The following TGOLN2 variants were observed in gnomAD, a reference collection of about 807,000 sequenced individuals.
The protein encoded by TGOLN2 is trans-Golgi network integral membrane protein 2.
A neutral mutation model predicts 31.3 loss-of-function variants in TGOLN2; 19 were observed. The observed-to-expected ratio is 0.61, with a 90% CI of 0.42 to 0.89. TGOLN2 has a LOEUF of 0.89. Ranked by LOEUF, TGOLN2 falls within the 40% of genes least tolerant of loss-of-function variation. The pLI is 0.00. For synonymous variants in TGOLN2, 222 were observed against 226.7 expected, an observed-to-expected ratio of 0.98 and a Z score of 0.19; for missense variants, 540 against 559.2, an observed-to-expected ratio of 0.97 and a Z score of 0.35.
chr2:85,327,885 G>T, intron 1 of TGOLN2, 32 bp downstream of exon 1: 1 of 1,592,764 alleles, frequency 6.3e-7, no homozygotes, highest in South Asian at 1.1e-5. Flanking sequence ...GGATCTGGGG[G>T]CAAGAGTGGG....
At chr2:85,326,430 G>T in intron 2 of TGOLN2, 78 bp downstream of exon 2, 2 of 1,439,444 alleles carry the variant, frequency 1.4e-6, no homozygotes, top group Non-Finnish European at 1.9e-6. Flanking sequence ...GGCATCTAGT[G>T]ACGGGATACC....
chr2:85,324,537 C>T lies in TGOLN2; in HGVS notation c.1308+378G>A, dbSNP rs544539871. On this transcript the variant is annotated intron_variant, in intron 3 of 3. Coordinates refer to ENST00000377386, the MANE Select transcript of TGOLN2 (RefSeq NM_006464.4). ...CAAATGCCTATTAAAGTTTATGGAG[C>T]GCTGGCAGAATGCAGAAAGCTCAGG... is the stretch of plus-strand genomic sequence containing the variant. 1.3e-4 allele frequency: 44 copies of T among 328,190 alleles called. No homozygotes were observed. The South Asian group carries it at 3.2e-3, about 24-fold the overall frequency. 20.3% of individuals were successfully genotyped at this position (328,190 alleles called of 1,614,324 possible).
chr2:85,318,818 C>G lies in TGOLN2; in HGVS notation c.*3918G>C, dbSNP rs1682453425. On this transcript the variant is annotated 3_prime_UTR_variant, in exon 4 of 4. Transcript: ENST00000377386. ...CAGCCTTTCTACACAGACTGGCCTTCAACTTCCCCTGAGTCCAGAAGTAGA... is the reference window on the plus strand; with the variant it reads ...CAGCCTTTCTACACAGACTGGCCTTGAACTTCCCCTGAGTCCAGAAGTAGA... The G allele has an allele frequency of 7.0e-6, 1 of 142,680 alleles. No individual in the cohort carries two copies. Among genetic ancestry groups the G allele is most frequent in the African/African-American group, 2.8e-5 (1 of 35,324 alleles). The allele number at this position is 142,680 out of a possible 1,614,324, so 8.8% of individuals were successfully genotyped here.
rs774394218 is a variant in TGOLN2, at chr2:85,326,860, G to A, written c.872C>T (p.Pro291Leu). The A allele has an allele frequency of 6.2e-7, 1 of 1,614,020 alleles. No individual in the cohort carries two copies. The highest frequency in any genetic ancestry group is 1.1e-5 in the South Asian group (1 of 91,086). Reference protein sequence around the residue: ...NQLADKGKLSPHAFKTESGEE... With the variant: ...NQLADKGKLSLHAFKTESGEE... ...CCCAGATTCGGTTTTGAAAGCATGA[G>A]GAGAAAGCTTCCCTTTGTCAGCAAG... The change falls in exon 2 of 4, where the codon CCT (proline) becomes CTT (leucine). Residue 291 changes from proline (P) to leucine (L), a missense_variant. By Grantham distance (98) the Pro-to-Leu change is moderately conservative (BLOSUM62 -3). Transcript: ENST00000377386.
chr2:85,327,969 C>G lies in TGOLN2; in HGVS notation c.-7G>C, dbSNP rs760245451. The G allele has an allele frequency of 1.3e-6, 2 of 1,587,714 alleles. No homozygotes were observed. Among genetic ancestry groups the G allele is most frequent in the Non-Finnish European group, 1.7e-6 (2 of 1,167,524 alleles). On this transcript the variant is annotated 5_prime_UTR_variant, in exon 1 of 4. Coordinates refer to ENST00000377386, the MANE Select transcript of TGOLN2 (RefSeq NM_006464.4). Reference sequence around the variant, plus strand: ...AGGCAACCACGAACCGCATCCTGCTCGGATAGCGCTTCCGCCCTCTAATGC... The same window carrying G: ...AGGCAACCACGAACCGCATCCTGCTGGGATAGCGCTTCCGCCCTCTAATGC...
rs549569436 is a variant in TGOLN2 at position 85,326,479 on chromosome 2, T to C, written c.1224+29A>G. The stretch of plus-strand genomic sequence containing the variant: ...GCTTCCAGGGTGCTGGAAACCCCAC[T>C]CCCCTCCGGAAGGCCGCTGTCGACT... On this transcript the variant is annotated intron_variant, in intron 2 of 3. Coordinates refer to ENST00000377386, the MANE Select transcript of TGOLN2 (RefSeq NM_006464.4). 80 of 1,602,612 alleles carry C rather than the reference T, an allele frequency of 5.0e-5. 2 individuals carry two copies. The South Asian group carries it at 7.4e-4, about 15-fold the overall frequency.
chr2:85,324,440 G>T, intron 3 of TGOLN2: 1 of 161,830 alleles, frequency 6.2e-6, no homozygotes, highest in Non-Finnish European at 1.3e-5. Context: ...AAAAAAGAAT[G>T]TAGAAATATA....
Position 85,322,712 on chromosome 2 carries a change from T to C in TGOLN2, c.*24A>G. The C allele has an allele frequency of 6.2e-7, 1 of 1,611,896 alleles. No homozygotes were observed. The highest frequency in any genetic ancestry group is 8.5e-7 in the Non-Finnish European group (1 of 1,179,530). On this transcript the variant is annotated 3_prime_UTR_variant, in exon 4 of 4. Transcript: ENST00000377386. The stretch of plus-strand genomic sequence containing the variant: ...ACAATCCATTGGTGACGTTCATCTT[T>C]TTCCAGAGGAATATACCATTCTGTT...
intron 3 of TGOLN2, chr2:85,324,627 C>CA: frequency 4.3e-6 from 2 of 465,832 alleles, no homozygotes; most frequent in Non-Finnish European, 7.5e-6. Flanking sequence ...AGAAACTTAG[C>CA]GGAAAAAAAA....
Position 85,319,574 on chromosome 2 carries a change from T to C in TGOLN2, c.*3162A>G, listed in dbSNP as rs989374012. 1 of 152,220 alleles carries C rather than the reference T, an allele frequency of 6.6e-6. No individual in the cohort carries two copies. The highest frequency in any genetic ancestry group is 1.5e-5 in the Non-Finnish European group (1 of 68,042). 9.4% of individuals were successfully genotyped at this position (152,220 alleles called of 1,614,324 possible). ...GAGTCTGCTCAAAAGCTCAGCTCTG[T>C]GGACTCCGTGACAAAATGTACGCGT... On this transcript the variant is annotated 3_prime_UTR_variant, in exon 4 of 4. Transcript: ENST00000377386.
At chr2:85,325,126 T>G (rs1180298445) in intron 2 of TGOLN2, 128 bp from the exon 3 acceptor site, 1 of 772,582 alleles carries the variant, frequency 1.3e-6, no homozygotes, top group Non-Finnish European at 2.1e-6. Context: ...AGCAGTACAC[T>G]CACAGAGGTC....
At chr2:85,324,652 C>A in intron 3 of TGOLN2, 3 of 481,134 alleles carry the variant, frequency 6.2e-6, no homozygotes, top group Non-Finnish European at 7.3e-6. Context: ...AAGAGTGTTT[C>A]TGCGTGGGCC....
chr2:85,322,395 C>A lies in TGOLN2; in HGVS notation c.*341G>T. The A allele has an allele frequency of 2.5e-6, 1 of 393,668 alleles. No individual in the cohort carries two copies. Among genetic ancestry groups the A allele is most frequent in the East Asian group, 6.8e-5 (1 of 14,756 alleles). The allele number at this position is 393,668 out of a possible 1,614,324, so 24.4% of individuals were successfully genotyped here. ...GCAGCCTGCCCAGGCTGGGATCTCC[C>A]TTTGGTCATAGCCGTGTTTCCATAT... On this transcript the variant is annotated 3_prime_UTR_variant, in exon 4 of 4. Transcript: ENST00000377386.
chr2:85,322,942 C>T (rs1356338695), intron 3 of TGOLN2: 1 of 934,508 alleles, frequency 1.1e-6, no homozygotes, highest in Non-Finnish European at 1.5e-6. Flanking sequence ...CTGTTCTGTA[C>T]TGTTGTGAAT....
At chr2:85,322,787 G>C (rs1382417284) in intron 3 of TGOLN2, 46 bp from the exon 4 acceptor site, 2 of 1,600,518 alleles carry the variant, frequency 1.2e-6, no homozygotes, top group Non-Finnish European at 1.7e-6. Context: ...AAAACATTCA[G>C]AATTAAGACA....
intron 3 of TGOLN2, among the ~76,000 whole-genome samples, chr2:85,324,115 G>C (rs1682646111): frequency 6.7e-6 from 1 of 149,728 alleles, no homozygotes; most frequent in Non-Finnish European, 1.5e-5. Context: ...GGTTTCACCT[G>C]GGAACTTCCT....
At position 85,322,720 on chromosome 2, in the gene TGOLN2, G is replaced by A. The variant is rs766962795; in HGVS notation, c.*16C>T. On this transcript the variant is annotated 3_prime_UTR_variant, in exon 4 of 4. Transcript: ENST00000377386. ...TTGGTGACGTTCATCTTTTTCCAGA[G>A]GAATATACCATTCTGTTAGGACTTA... The A allele has an allele frequency of 1.2e-6, 2 of 1,611,298 alleles. No individual in the cohort carries two copies. Among genetic ancestry groups the A allele is most frequent in the African/African-American group, 1.3e-5 (1 of 74,816 alleles).
chr2:85,326,519 T>C lies in TGOLN2; in HGVS notation c.1213A>G (p.Asn405Asp). 6.2e-7 allele frequency: 1 copy of C among 1,610,696 alleles called. No individual in the cohort carries two copies. The highest frequency in any genetic ancestry group is 8.5e-7 in the Non-Finnish European group (1 of 1,177,222). The part of the protein sequence containing the change: ...LVAVLYIAHH[N>D]KRKIIAFVLE... ...CGCTGTCGACTTACCTTCCGCTTGT[T>C]GTGATGAGCGATATAGAGGACAGCC... The change falls in exon 2 of 4, where the codon AAC (asparagine) becomes GAC (aspartate). Residue 405 changes from asparagine (N) to aspartate (D), a missense_variant. Asn to Asp is a conservative substitution (Grantham distance 23). Coordinates refer to ENST00000377386, the MANE Select transcript of TGOLN2 (RefSeq NM_006464.4).
chr2:85,321,426 C>G lies in TGOLN2; in HGVS notation c.*1310G>C, dbSNP rs1682544891. ...ACAGCACAGAATTCATCTTATTTCC[C>G]TCATCTCCCAAGTTATTTGTATTTC... On this transcript the variant is annotated 3_prime_UTR_variant, in exon 4 of 4. Transcript: ENST00000377386. 1.3e-5 allele frequency: 2 copies of G among 152,648 alleles called. No individual in the cohort carries two copies. The highest frequency in any genetic ancestry group is 1.3e-4 in the Admixed American group (2 of 15,284). 9.5% of individuals were successfully genotyped at this position (152,648 alleles called of 1,614,324 possible).
Sources: allele counts gnomAD v4.1 joint callset (sites outside exome capture counted in the v4.1 genomes callset), GRCh38; gene constraint gnomAD v4.1.1; transcripts MANE v1.5; gene names NCBI Gene and HGNC (gene_info 2026-07-23, HGNC 2026-07-21).